Variants in AADACL4 observed in about 807,000 individuals in gnomAD.
AADACL4 encodes the protein arylacetamide deacetylase-like 4.
AADACL4 carries 9 observed loss-of-function variants against 14.1 expected under a neutral mutation model. The ratio of observed to expected loss-of-function variants is 0.64; its 90% CI spans 0.39 to 1.12. AADACL4 has a LOEUF of 1.12. Among genes scored for constraint, AADACL4 ranks in the 50% most tolerant of loss-of-function variants. The probability of loss-of-function intolerance (pLI) is 0.01; values close to 1 mark genes in which losing one functional copy is unlikely to be tolerated. For missense variants in AADACL4, 531 were observed against 516.1 expected, an observed-to-expected ratio of 1.03 and a Z score of -0.28; for synonymous variants, 188 against 201.6, an observed-to-expected ratio of 0.93 and a Z score of 0.57.
At chr1:12,657,140 C>CAAAAA (rs59777423) in intron 2 of AADACL4, among the ~76,000 whole-genome samples, 82 of 51,074 alleles carry the variant, frequency 1.6e-3, no homozygotes, top group African/African-American at 4.9e-3. Context: ...AAGACTGTCT[C>CAAAAA]AAAAAAAAAA....
intron 2 of AADACL4, among the ~76,000 whole-genome samples, chr1:12,658,953 G>A (rs1570432189): frequency 6.6e-6 from 1 of 152,304 alleles, no homozygotes; most frequent in Non-Finnish European, 1.5e-5. Context: ...AGTGCCTGTT[G>A]TTTTCATTTT....
rs775999994 is a variant in AADACL4, at chr1:12,651,229, T to A, written c.275T>A (p.Leu92Gln). Residue 92 changes from leucine to glutamine, a missense_variant, in exon 2 of 4, where the codon CTG becomes CAG. Coordinates refer to ENST00000376221, the MANE Select transcript of AADACL4 (RefSeq NM_001013630.2). ...GACCCTGAACTTGTGGTGACCGACC[T>A]GCGTTTTGGGACGATACCCGTGAGG... ...KKDPELVVTDLRFGTIPVRLF... is the reference protein window; with the variant it reads ...KKDPELVVTDQRFGTIPVRLF... The A allele has an allele frequency of 6.2e-7, 1 of 1,614,236 alleles. No individual in the cohort carries two copies. The highest frequency in any genetic ancestry group is 8.5e-7 in the Non-Finnish European group (1 of 1,180,042).
At chr1:12,665,891 A>G in intron 3 of AADACL4, 70 bp from the exon 4 acceptor site, 1 of 1,461,566 alleles carries the variant, frequency 6.8e-7, no homozygotes, top group Non-Finnish European at 9.3e-7. Flanking sequence ...GGGGTTGAGG[A>G]TTCTGTTGAA....
chr1:12,645,256 TC>T (rs566734144), intron 1 of AADACL4, among the ~76,000 whole-genome samples: 1,150 of 76,936 alleles, frequency 0.015, 17 homozygotes, highest in South Asian at 0.039. Context: ...CCTCCCTCCC[TC>T]CCTCCCTCCC....
At chr1:12,662,459 AAACT>A (rs1176089934) in intron 3 of AADACL4, among the ~76,000 whole-genome samples, 2 of 152,148 alleles carry the variant, frequency 1.3e-5, no homozygotes, top group South Asian at 2.1e-4. Flanking sequence ...GCATTGTTAA[AAACT>A]AACTAAGCTT....
At chr1:12,664,430 A>G (rs200986586) in intron 3 of AADACL4, among the ~76,000 whole-genome samples, 1 of 151,400 alleles carries the variant, frequency 6.6e-6, no homozygotes, top group South Asian at 2.1e-4. Flanking sequence ...GCAGTGGCAC[A>G]ATCTCGGCTC....
At chr1:12,665,892 T>G (rs1030015984) in intron 3 of AADACL4, 69 bp from the exon 4 acceptor site, 53 of 1,464,508 alleles carry the variant, frequency 3.6e-5, no homozygotes, top group Non-Finnish European at 4.9e-5. Flanking sequence ...GGGTTGAGGA[T>G]TCTGTTGAAA....
At chr1:12,647,043 G>A (rs1247050978) in intron 1 of AADACL4, among the ~76,000 whole-genome samples, 2 of 151,586 alleles carry the variant, frequency 1.3e-5, no homozygotes, top group African/African-American at 4.9e-5. Context: ...TACTCGTTTT[G>A]TGGACTCATG....
Position 12,648,560 on chromosome 1 carries a change from G to GTT in AADACL4, c.169-2550_169-2549dup, listed in dbSNP as rs113386512. Among the ~76,000 whole-genome samples, 492 of 139,498 alleles carry GTT rather than the reference G, an allele frequency of 3.5e-3. 1 individual carries two copies. The highest frequency in any genetic ancestry group is 0.011 in the African/African-American group (400 of 37,878). The allele number at this position is 139,498 out of a possible 152,430, so 91.5% of individuals were successfully genotyped here. A position where few individuals can be genotyped will look rare whatever the true frequency, so the allele number is the denominator to read the frequency against. ...CACAGGCATGCACCACTGTGCCTGG[G>GTT]TTTTTTTTTTTTTTGTATGTTTTGT... On this transcript the variant is annotated intron_variant, in intron 1 of 3. Transcript: ENST00000376221.
chr1:12,644,391 AC>A lies in AADACL4; in HGVS notation c.-153del, dbSNP rs939846250. ...ACCTCCCATTGGCCTTTTTGTGCTT[AC>A]CCTGAGAAGCTGTGTCAGGCCACTG... is the stretch of plus-strand genomic sequence containing the variant. On this transcript the variant is annotated 5_prime_UTR_variant, in exon 1 of 4. Coordinates refer to ENST00000376221, the MANE Select transcript of AADACL4 (RefSeq NM_001013630.2). Among the ~76,000 whole-genome samples the A allele has an allele frequency of 4.7e-4, 71 of 152,272 alleles. No individual in the cohort carries two copies. The highest frequency in any genetic ancestry group is 7.9e-4 in the Non-Finnish European group (54 of 68,018).
intron 2 of AADACL4, 70 bp downstream of exon 2, chr1:12,651,409 C>A (rs139703608): frequency 1.4e-6 from 2 of 1,475,638 alleles, no homozygotes; most frequent in Non-Finnish European, 1.9e-6. Context: ...TCATGCCTCC[C>A]GCAAGAACCC....
At chr1:12,661,934 A>G in intron 3 of AADACL4, 80 bp downstream of exon 3, 1 of 1,473,212 alleles carries the variant, frequency 6.8e-7, no homozygotes, top group Non-Finnish European at 9.5e-7. Flanking sequence ...TGTAGATCAG[A>G]GAGGCCCTAA....
At chr1:12,661,651 C>A in intron 2 of AADACL4, 140 bp from the exon 3 acceptor site, 1 of 884,744 alleles carries the variant, frequency 1.1e-6, no homozygotes, top group Non-Finnish European at 1.9e-6. Flanking sequence ...TGGCTCTGTC[C>A]AGGCAGAGGA....
chr1:12,664,294 G>A (rs756053376), intron 3 of AADACL4, among the ~76,000 whole-genome samples: 11 of 152,042 alleles, frequency 7.2e-5, no homozygotes, highest in Non-Finnish European at 1.6e-4. Flanking sequence ...TTCCTTATGA[G>A]CTTCTTCCAA....
At chr1:12,664,650 G>A (rs745549208) in intron 3 of AADACL4, among the ~76,000 whole-genome samples, 14 of 152,114 alleles carry the variant, frequency 9.2e-5, no homozygotes, top group African/African-American at 1.4e-4. Flanking sequence ...GTAAGCCACC[G>A]CCCGGCCTTG....
chr1:12,666,801 G>A lies in AADACL4; in HGVS notation c.*66G>A, dbSNP rs2100773683. 6.8e-7 allele frequency: 1 copy of A among 1,465,376 alleles called. No homozygotes were observed. The highest frequency in any genetic ancestry group is 9.1e-7 in the Non-Finnish European group (1 of 1,096,292). The allele number at this position is 1,465,376 out of a possible 1,614,324, so 90.8% of individuals were successfully genotyped here. ...ACTCTACCAGAAACCGGGTGCTTTA[G>A]TGAGTTCTATTTTATTGACTAAAGA... On this transcript the variant is annotated 3_prime_UTR_variant, in exon 4 of 4. Transcript: ENST00000376221.
chr1:12,666,135 C>A lies in AADACL4; in HGVS notation c.624C>A (p.Gly208=). The A allele has an allele frequency of 6.2e-7, 1 of 1,614,240 alleles. No homozygotes were observed. The highest frequency in any genetic ancestry group is 8.5e-7 in the Non-Finnish European group (1 of 1,180,050). The change falls in exon 4 of 4, where the codon GGC becomes GGA. Residue 208 remains glycine (G), a synonymous_variant. Coordinates refer to ENST00000376221, the MANE Select transcript of AADACL4 (RefSeq NM_001013630.2). ...CCGCCATCACCCAGGCCTTGGTGGGCAGATCAGATCTTCCCCGGATCCGGG... is the reference window on the plus strand; with the variant it reads ...CCGCCATCACCCAGGCCTTGGTGGGAAGATCAGATCTTCCCCGGATCCGGG... ...AVAAITQALV[G]RSDLPRIRAQ... is the part of the protein sequence containing the mutation.
intron 2 of AADACL4, among the ~76,000 whole-genome samples, chr1:12,651,997 T>C (rs1287232825): frequency 4.8e-5 from 7 of 146,250 alleles, no homozygotes; most frequent in African/African-American, 1.6e-4. Context: ...ACCAGCTAAT[T>C]TTTTTTTTTT....
intron 1 of AADACL4, among the ~76,000 whole-genome samples, chr1:12,646,975 G>T (rs192809712): frequency 6.6e-6 from 1 of 152,238 alleles, no homozygotes; most frequent in East Asian, 1.9e-4. Flanking sequence ...TCTATGGCCA[G>T]GAAATCAAGA....
Sources: allele counts gnomAD v4.1 joint callset (sites outside exome capture counted in the v4.1 genomes callset), GRCh38; gene constraint gnomAD v4.1.1; transcripts MANE v1.5; gene names NCBI Gene and HGNC (gene_info 2026-07-23, HGNC 2026-07-21).